The following KCNMA1 variants were observed in gnomAD, a reference collection of about 807,000 sequenced individuals.
KCNMA1 encodes potassium calcium-activated channel subfamily M alpha 1, also known as Calcium-activated potassium channel subunit alpha-1.
KCNMA1 carries 29 observed loss-of-function variants against 140.0 expected under a neutral mutation model. The ratio of observed to expected loss-of-function variants is 0.21; its 90% confidence interval spans 0.15 to 0.28. The LOEUF (loss-of-function observed/expected upper bound fraction) is 0.28, where lower values mean the gene tolerates loss of function less well. KCNMA1 is among the 10% of genes least tolerant of loss of function. KCNMA1 has a pLI of 1.00. For missense variants in KCNMA1, 880 were observed against 1,602.2 expected, an observed-to-expected ratio of 0.55 and a Z score of 7.70; for synonymous variants, 612 against 611.9, an observed-to-expected ratio of 1.00 and a Z score of 0.00.
intron 1 of KCNMA1, among the ~76,000 whole-genome samples, chr10:77,433,075 G>A (rs1566818947): frequency 6.6e-6 from 1 of 152,192 alleles, no homozygotes; most frequent in Non-Finnish European, 1.5e-5. Flanking sequence ...CAATGGTCAT[G>A]AGGTAAGTTT....
At chr10:76,917,285 C>T (rs1478692993) in intron 23 of KCNMA1, among the ~76,000 whole-genome samples, 2 of 152,134 alleles carry the variant, frequency 1.3e-5, no homozygotes, top group African/African-American at 2.4e-5. Context: ...TGTATTTTGA[C>T]ATCCATCATC....
intron 3 of KCNMA1, among the ~76,000 whole-genome samples, chr10:77,242,793 C>T (rs773270025): frequency 2.6e-5 from 4 of 152,038 alleles, no homozygotes; most frequent in Admixed American, 6.6e-5. Context: ...GCCACAGGTA[C>T]ACAGACAGCT....
chr10:77,181,915 CAT>C (rs148022380), intron 5 of KCNMA1, among the ~76,000 whole-genome samples: 2 of 150,204 alleles, frequency 1.3e-5, no homozygotes, highest in Admixed American at 6.6e-5. Flanking sequence ...TGGACACATA[CAT>C]ATATATATAT....
At chr10:76,966,563 A>G (rs2074009797) in intron 20 of KCNMA1, among the ~76,000 whole-genome samples, 1 of 152,148 alleles carries the variant, frequency 6.6e-6, no homozygotes, top group Non-Finnish European at 1.5e-5. Context: ...TTTAGAGACA[A>G]ACTTTGTGCC....
chr10:77,047,214 C>T (rs1475317432), intron 14 of KCNMA1, among the ~76,000 whole-genome samples: 3 of 152,168 alleles, frequency 2.0e-5, no homozygotes, highest in Non-Finnish European at 4.4e-5. Context: ...AAACTGGTTG[C>T]TTCAGCCATG....
intron 19 of KCNMA1, among the ~76,000 whole-genome samples, chr10:76,971,974 G>GGTGT (rs57558756): frequency 0.25 from 36,692 of 148,776 alleles, 4,675 homozygotes; most frequent in East Asian, 0.46. Flanking sequence ...AGGGTGTGTG[G>GGTGT]GTGTGTGTGT....
intron 1 of KCNMA1, among the ~76,000 whole-genome samples, chr10:77,549,019 T>C (rs971029634): frequency 6.6e-6 from 1 of 152,190 alleles, no homozygotes; most frequent in Non-Finnish European, 1.5e-5. Context: ...ATCTTCCCAC[T>C]CTGGGCCATT....
chr10:77,484,247 C>CCA (rs1392003081), intron 1 of KCNMA1, among the ~76,000 whole-genome samples: 1 of 152,222 alleles, frequency 6.6e-6, no homozygotes, highest in Non-Finnish European at 1.5e-5. Context: ...GCAGGCACCT[C>CCA]CATTCACTTA....
intron 3 of KCNMA1, among the ~76,000 whole-genome samples, chr10:77,230,197 G>T (rs368624812): frequency 6.6e-6 from 1 of 152,188 alleles, no homozygotes; most frequent in Non-Finnish European, 1.5e-5. Flanking sequence ...CACAAAGGTC[G>T]CAAATATATG....
At chr10:77,087,899 C>A (rs958996867) in intron 10 of KCNMA1, among the ~76,000 whole-genome samples, 1 of 151,732 alleles carries the variant, frequency 6.6e-6, no homozygotes, top group African/African-American at 2.4e-5. Flanking sequence ...TACTATATGG[C>A]AGATAACATT....
intron 1 of KCNMA1, among the ~76,000 whole-genome samples, chr10:77,582,864 C>T (rs919481212): frequency 6.6e-6 from 1 of 152,226 alleles, no homozygotes; most frequent in African/African-American, 2.4e-5. Context: ...TAGCTATGCC[C>T]CAAGGCATGG....
intron 15 of KCNMA1, 111 bp downstream of exon 15, chr10:77,039,417 C>T (rs1240071280): frequency 1.2e-5 from 9 of 738,726 alleles, no homozygotes; most frequent in Admixed American, 3.9e-5. Flanking sequence ...GGGATACCCT[C>T]GGCAATTGTC....
intron 5 of KCNMA1, among the ~76,000 whole-genome samples, chr10:77,174,747 A>G (rs1202853993): frequency 6.6e-6 from 1 of 151,916 alleles, no homozygotes; most frequent in Admixed American, 6.5e-5. Flanking sequence ...CTCTGACGTT[A>G]GCATAGGCTT....
chr10:76,889,467 T>TG lies in KCNMA1; in HGVS notation c.3444dup (p.Ser1149GlnfsTer15). 6.2e-7 allele frequency: 1 copy of TG among 1,611,674 alleles called. No homozygotes were observed. The highest frequency in any genetic ancestry group is 8.5e-7 in the Non-Finnish European group (1 of 1,177,792). Reference sequence around the variant, plus strand: ...AATACTCACCTCTTTGTGCACTGACTGGGGGTGCTGAGGTGAGCATCTCTC... The same window carrying TG: ...AATACTCACCTCTTTGTGCACTGACTGGGGGGTGCTGAGGTGAGCATCTCTC... On this transcript the variant is annotated frameshift_variant, in exon 27 of 28. Transcript: ENST00000286628. LOFTEE classifies it high-confidence loss of function.
At chr10:77,340,422 T>C (rs1159967621) in intron 2 of KCNMA1, among the ~76,000 whole-genome samples, 2 of 152,204 alleles carry the variant, frequency 1.3e-5, no homozygotes, top group Admixed American at 1.3e-4. Context: ...TGTATGTTTA[T>C]TGTGGCACTA....
At chr10:77,019,123 A>G (rs772481172) in intron 16 of KCNMA1, 24 bp from the exon 17 acceptor site, 1 of 1,235,302 alleles carries the variant, frequency 8.1e-7, no homozygotes, top group African/African-American at 1.5e-5. Flanking sequence ...AAAAACAAAC[A>G]GAGAAGATAC....
At chr10:76,934,024 G>T (rs1181687187) in intron 23 of KCNMA1, among the ~76,000 whole-genome samples, 2 of 152,054 alleles carry the variant, frequency 1.3e-5, no homozygotes, top group Admixed American at 1.3e-4. Context: ...CCAGGCTGGA[G>T]GGCAATGGCG....
At chr10:77,426,514 A>G (rs1243611349) in intron 1 of KCNMA1, among the ~76,000 whole-genome samples, 2 of 152,186 alleles carry the variant, frequency 1.3e-5, no homozygotes, top group African/African-American at 4.8e-5. Flanking sequence ...CTGGGATATA[A>G]ATCCAGACAG....
intron 16 of KCNMA1, among the ~76,000 whole-genome samples, chr10:77,021,581 G>T (rs2092859218): frequency 6.6e-6 from 1 of 152,214 alleles, no homozygotes; most frequent in African/African-American, 2.4e-5. Flanking sequence ...ACAATATCTG[G>T]TGATGGGCTA....
Sources: gnomAD v4.1 joint callset for allele counts (sites outside exome capture counted in the v4.1 genomes callset) on GRCh38, gnomAD v4.1.1 for gene constraint, MANE v1.5 for transcripts, NCBI Gene and HGNC (gene_info 2026-07-23, HGNC 2026-07-21) for gene names.